The following TRIM4 variants were observed in gnomAD, a reference collection of about 807,000 sequenced individuals.
The protein encoded by TRIM4 is tripartite motif containing 4.
Under a neutral mutation model 33.7 loss-of-function variants are expected in TRIM4, and 29 were observed. The observed-to-expected ratio is 0.86, with a 90% CI of 0.64 to 1.17. The LOEUF is 1.17. Ranked by LOEUF, TRIM4 falls within the 50% of genes most tolerant of loss-of-function variation. The pLI is 0.00. For synonymous variants in TRIM4, 224 were observed against 233.0 expected (o/e 0.96, Z 0.35); for missense variants, 554 against 593.7 (o/e 0.93, Z 0.69).
intron 3 of TRIM4, among the ~76,000 whole-genome samples, chr7:99,907,929 CA>C (rs1227946559): frequency 6.6e-6 from 1 of 152,074 alleles, no homozygotes; most frequent in Non-Finnish European, 1.5e-5. Context: ...AAAGAAAAAG[CA>C]AAGTCACAAA....
rs117360193 is a variant in TRIM4 at position 99,900,848 on chromosome 7, C to G, written c.841+2370G>C. Among the ~76,000 whole-genome samples the G allele has an allele frequency of 2.3e-3, 356 of 152,234 alleles. 2 individuals are homozygous for G. Among genetic ancestry groups the G allele is most frequent in the Admixed American group, 4.4e-3 (67 of 15,292 alleles). On this transcript the variant is annotated intron_variant, in intron 5 of 5. Coordinates refer to ENST00000349062, the MANE Select transcript of TRIM4 (RefSeq NM_033091.3). ...TCCACTGCAAGTAACTATCCTCTCCCCTGGTTGCATTTAAGATTTTCTTTT... is the reference window on the plus strand; with the variant it reads ...TCCACTGCAAGTAACTATCCTCTCCGCTGGTTGCATTTAAGATTTTCTTTT...
intron 1 of TRIM4, chr7:99,916,844 T>C (rs1371661312): frequency 1.5e-4 from 116 of 765,160 alleles, no homozygotes; most frequent in Non-Finnish European, 4.9e-6. Flanking sequence ...CCCCACTGCC[T>C]GAAAGAGAAA....
intron 1 of TRIM4, chr7:99,917,767 C>A (rs553582605): frequency 1.1e-6 from 1 of 933,854 alleles, no homozygotes; most frequent in East Asian, 1.2e-4. Context: ...TGTTCATGTA[C>A]TTACTGCATA....
At position 99,891,181 on chromosome 7, in the gene TRIM4, C is replaced by T. The variant is rs936650168; in HGVS notation, c.*982G>A. The T allele has an allele frequency of 6.6e-6, 1 of 152,132 alleles. No individual in the cohort carries two copies. The allele number at this position is 152,132 out of a possible 1,614,324, so 9.4% of individuals were successfully genotyped here. On this transcript the variant is annotated 3_prime_UTR_variant, in exon 6 of 6. Transcript: ENST00000349062. ...CAAAACCTGAAACAAAGATCAACAT[C>T]CAATAAATGCTTCTGAATAAAGGGA... is the stretch of plus-strand genomic sequence containing the variant.
chr7:99,902,048 A>G (rs2151645188), intron 5 of TRIM4: 3 of 755,788 alleles, frequency 4.0e-6, no homozygotes, highest in South Asian at 2.7e-5. Flanking sequence ...TAGGGCAATC[A>G]TAGGCTGACC....
At chr7:99,913,248 G>A (rs557581620) in intron 1 of TRIM4, among the ~76,000 whole-genome samples, 12 of 152,284 alleles carry the variant, frequency 7.9e-5, no homozygotes, top group Admixed American at 5.9e-4. Flanking sequence ...ACTGGGAGGT[G>A]AGTTAACTTG....
At chr7:99,900,067 T>G (rs544974341) in intron 5 of TRIM4, among the ~76,000 whole-genome samples, 1 of 152,290 alleles carries the variant, frequency 6.6e-6, no homozygotes, top group South Asian at 2.1e-4. Context: ...ATTACAGATG[T>G]GAGCCACCAC....
At chr7:99,900,858 TTTAAGA>T (rs1410900652) in intron 5 of TRIM4, among the ~76,000 whole-genome samples, 6 of 152,216 alleles carry the variant, frequency 3.9e-5, no homozygotes, top group African/African-American at 1.4e-4. Flanking sequence ...CCTGGTTGCA[TTTAAGA>T]TTTTCTTTTT....
At chr7:99,895,404 T>C (rs1425844299) in intron 5 of TRIM4, among the ~76,000 whole-genome samples, 1 of 152,240 alleles carries the variant, frequency 6.6e-6, no homozygotes, top group African/African-American at 2.4e-5. Context: ...AATTCCATTG[T>C]GATCAGAGAA....
At position 99,892,763 on chromosome 7, in the gene TRIM4, A is replaced by T; in HGVS notation, c.842-17T>A. ...TTACAGCCACTGTGGAGAAAATGAG[A>T]GCTAAGTAGTGCAGCAGCTTATCAT... On this transcript the variant is annotated splice_polypyrimidine_tract_variant and intron_variant, in intron 5 of 5. Coordinates refer to ENST00000349062, the MANE Select transcript of TRIM4 (RefSeq NM_033091.3). 6.3e-7 allele frequency: 1 copy of T among 1,595,898 alleles called. No individual in the cohort carries two copies. Among genetic ancestry groups the T allele is most frequent in the Non-Finnish European group, 8.5e-7 (1 of 1,171,636 alleles).
At position 99,892,253 on chromosome 7, in the gene TRIM4, A is replaced by G. The variant is rs1235290283; in HGVS notation, c.1335T>C (p.Phe445=). Residue 445 remains phenylalanine (F), a synonymous_variant, in exon 6 of 6, where the codon TTT becomes TTC. Coordinates refer to ENST00000349062, the MANE Select transcript of TRIM4 (RefSeq NM_033091.3). ...SAVDGVHLHT[F]SCSSVSRLRP... ...GGAGGCGTGAGACAGAAGAACAAGA[A>G]AAGGTGTGCAGGTGCACTCCGTCCA... is the stretch of plus-strand genomic sequence containing the variant. 3.1e-6 allele frequency: 5 copies of G among 1,614,180 alleles called. No homozygotes were observed. Among genetic ancestry groups the G allele is most frequent in the Non-Finnish European group, 3.4e-6 (4 of 1,180,024 alleles).
At chr7:99,898,541 G>A (rs141082898) in intron 5 of TRIM4, among the ~76,000 whole-genome samples, 2 of 152,320 alleles carry the variant, frequency 1.3e-5, no homozygotes, top group Admixed American at 1.3e-4. Context: ...ACCTGGGGTC[G>A]TCTTCACCTG....
At chr7:99,902,689 C>T (rs540459499) in intron 5 of TRIM4, among the ~76,000 whole-genome samples, 1 of 152,104 alleles carries the variant, frequency 6.6e-6, no homozygotes, top group Non-Finnish European at 1.5e-5. Context: ...ACCTCAACCT[C>T]TACCTTTCCT....
chr7:99,916,696 T>C, intron 1 of TRIM4: 1 of 781,010 alleles, frequency 1.3e-6, no homozygotes, highest in Non-Finnish European at 2.4e-6. Context: ...TTCAGGTCTT[T>C]ATTACCTCCT....
rs1434087865 is a variant in TRIM4 at position 99,891,501 on chromosome 7, G to A, written c.*662C>T. The A allele has an allele frequency of 6.6e-6, 1 of 152,392 alleles. No individual in the cohort carries two copies. Among genetic ancestry groups the A allele is most frequent in the East Asian group, 1.9e-4 (1 of 5,206 alleles). The allele number at this position is 152,392 out of a possible 1,614,324, so 9.4% of individuals were successfully genotyped here. On this transcript the variant is annotated 3_prime_UTR_variant, in exon 6 of 6. Coordinates refer to ENST00000349062, the MANE Select transcript of TRIM4 (RefSeq NM_033091.3). The stretch of plus-strand genomic sequence containing the variant: ...GAGGGCAGAGTTATGGTTGGGAAGA[G>A]AGAGAGTGCAACATAGGCAGAGTGA...
At chr7:99,910,215 C>G (rs1400323817) in intron 1 of TRIM4, among the ~76,000 whole-genome samples, 1 of 152,164 alleles carries the variant, frequency 6.6e-6, no homozygotes, top group African/African-American at 2.4e-5. Flanking sequence ...CAAATATCTA[C>G]TACTGGCAGA....
At chr7:99,909,433 CAG>C (rs1819386131) in intron 2 of TRIM4, 130 bp downstream of exon 2, 1 of 655,280 alleles carries the variant, frequency 1.5e-6, no homozygotes, top group Non-Finnish European at 2.6e-6. Flanking sequence ...ATGGAGGAAA[CAG>C]AGGTTCTGAG....
intron 5 of TRIM4, among the ~76,000 whole-genome samples, chr7:99,896,284 TAAGAA>T (rs1819014780): frequency 6.6e-6 from 1 of 152,122 alleles, no homozygotes; most frequent in African/African-American, 2.4e-5. Context: ...ACTTCCAAGC[TAAGAA>T]ATGTGGGAGT....
intron 1 of TRIM4, 43 bp from the exon 2 acceptor site, chr7:99,909,703 CCAT>C (rs1432214343): frequency 2.2e-6 from 3 of 1,359,392 alleles, no homozygotes; most frequent in Non-Finnish European, 3.1e-6. Flanking sequence ...ACATCTCCAA[CCAT>C]CATCATCTTC....
Sources: allele counts gnomAD v4.1 joint callset (sites outside exome capture counted in the v4.1 genomes callset), GRCh38; gene constraint gnomAD v4.1.1; transcripts MANE v1.5; gene names NCBI Gene and HGNC (gene_info 2026-07-23, HGNC 2026-07-21).